FNDC3A: variants seen among roughly 807,000 people sequenced by gnomAD.
The protein encoded by FNDC3A is fibronectin type-III domain-containing protein 3A.
Under a neutral mutation model 148.9 loss-of-function variants are expected in FNDC3A, and 32 were observed. The ratio of observed to expected loss-of-function variants is 0.21; its 90% CI spans 0.16 to 0.29. The LOEUF is 0.29. Ranked by LOEUF, FNDC3A falls within the 10% of genes least tolerant of loss-of-function variation. FNDC3A has a pLI of 1.00. For missense variants in FNDC3A, 1,191 were observed against 1,452.8 expected (o/e 0.82, Z 2.93); for synonymous variants, 472 against 473.6 (o/e 1.00, Z 0.04).
In FNDC3A at chr13:49,209,001, G is replaced by T. The variant is rs1229253062; in HGVS notation, c.*1606G>T. 6.6e-6 allele frequency: 1 copy of T among 152,556 alleles called. No individual in the cohort carries two copies. The highest frequency in any genetic ancestry group is 1.9e-4 in the East Asian group (1 of 5,194). The allele number at this position is 152,556 out of a possible 1,614,324, so 9.5% of individuals were successfully genotyped here. ...ATTAACCCTTGTTCAAAAAAGAAAT[G>T]GATAAACTTGGCCTTTCTAAGTGGT... On this transcript the variant is annotated 3_prime_UTR_variant, in exon 26 of 26. Coordinates refer to ENST00000492622, the MANE Select transcript of FNDC3A (RefSeq NM_001079673.2).
chr13:49,112,653 G>A (rs1331637035), intron 3 of FNDC3A, among the ~76,000 whole-genome samples: 3 of 152,108 alleles, frequency 2.0e-5, no homozygotes, highest in African/African-American at 4.8e-5. Flanking sequence ...AATGTGGTAA[G>A]GATATGTCCT....
At chr13:49,163,248 C>T (rs1884264183) in intron 8 of FNDC3A, among the ~76,000 whole-genome samples, 2 of 152,230 alleles carry the variant, frequency 1.3e-5, no homozygotes, top group African/African-American at 4.8e-5. Context: ...GTGGAGTCTA[C>T]AGAGGCAGGC....
At position 49,151,117 on chromosome 13, in the gene FNDC3A, A is replaced by T. The variant is rs150540704; in HGVS notation, c.977+5182A>T. Among the ~76,000 whole-genome samples, 408 of 152,200 alleles carry T rather than the reference A, an allele frequency of 2.7e-3. 1 individual carries two copies. The highest frequency in any genetic ancestry group is 7.8e-3 in the African/African-American group (322 of 41,514). On this transcript the variant is annotated intron_variant, in intron 8 of 25. Coordinates refer to ENST00000492622, the MANE Select transcript of FNDC3A (RefSeq NM_001079673.2). The stretch of plus-strand genomic sequence containing the variant: ...GTCCATTTGGTCTAATGTGCCATTT[A>T]AATACAATGAAATTTCTTTGTTAAT...
chr13:49,038,133 C>T (rs1427582825), intron 2 of FNDC3A, among the ~76,000 whole-genome samples: 2 of 152,158 alleles, frequency 1.3e-5, no homozygotes, highest in Non-Finnish European at 2.9e-5. Context: ...TGTTCAGGCG[C>T]TCCTTCTCTG....
chr13:49,201,887 T>C lies in FNDC3A; in HGVS notation c.3075T>C (p.Ala1025=), dbSNP rs1339042804. The change falls in exon 24 of 26, where the codon GCT becomes GCC. Residue 1025 remains alanine (A), a synonymous_variant. Transcript: ENST00000492622. Reference sequence around the variant, plus strand: ...CATCCTATAAATTCTGTATTCAAGCTTGTAATGAAGCTGGGGAAGGTCCCC... The same window carrying C: ...CATCCTATAAATTCTGTATTCAAGCCTGTAATGAAGCTGGGGAAGGTCCCC... ...ESTSYKFCIQ[A]CNEAGEGPLS... is the part of the protein sequence containing the mutation. 1.9e-6 allele frequency: 3 copies of C among 1,596,382 alleles called. No homozygotes were observed. The African/African-American group carries it at 4.1e-5, about 22-fold the overall frequency.
At chr13:49,060,009 C>T (rs1876550689) in intron 2 of FNDC3A, among the ~76,000 whole-genome samples, 1 of 152,138 alleles carries the variant, frequency 6.6e-6, no homozygotes, top group South Asian at 2.1e-4. Context: ...AATGGAATAA[C>T]AAACTGGCAA....
intron 1 of FNDC3A, among the ~76,000 whole-genome samples, chr13:48,983,588 C>A (rs1355385325): frequency 6.6e-6 from 1 of 152,182 alleles, no homozygotes; most frequent in Non-Finnish European, 1.5e-5. Flanking sequence ...GGCCCACAGG[C>A]TTTAGTTTGC....
intron 3 of FNDC3A, among the ~76,000 whole-genome samples, chr13:49,103,429 A>C (rs1879981553): frequency 6.6e-6 from 1 of 152,254 alleles, no homozygotes; most frequent in African/African-American, 2.4e-5. Flanking sequence ...ATGTGGAAGC[A>C]TAGTAGGCTA....
rs1459851778 is a variant in FNDC3A, at chr13:48,976,821, G to C, written c.-40+644G>C. ...CCCGGGCGAGTTAACCACCTGTTCA[G>C]TCGGGAGGTGGACTCGAGGCTGCAG... is the stretch of plus-strand genomic sequence containing the variant. On this transcript the variant is annotated intron_variant, in intron 1 of 25. Coordinates refer to ENST00000492622, the MANE Select transcript of FNDC3A (RefSeq NM_001079673.2). 6 of 152,242 alleles carry C rather than the reference G, an allele frequency of 3.9e-5. No individual in the cohort carries two copies. The South Asian group carries it at 8.3e-4, about 21-fold the overall frequency. 9.4% of individuals were successfully genotyped at this position (152,242 alleles called of 1,614,324 possible).
intron 8 of FNDC3A, among the ~76,000 whole-genome samples, chr13:49,158,411 C>A (rs932749406): frequency 6.6e-6 from 1 of 152,226 alleles, no homozygotes; most frequent in Non-Finnish European, 1.5e-5. Flanking sequence ...CTGACCTGCG[C>A]CCACTGTCTG....
intron 14 of FNDC3A, among the ~76,000 whole-genome samples, chr13:49,179,926 G>A (rs1885220772): frequency 6.6e-6 from 1 of 152,140 alleles, no homozygotes; most frequent in Admixed American, 6.5e-5. Context: ...ATACTTAATT[G>A]CCATAGAGGT....
At chr13:49,017,111 A>G (rs947300239) in intron 2 of FNDC3A, among the ~76,000 whole-genome samples, 10 of 152,096 alleles carry the variant, frequency 6.6e-5, no homozygotes, top group African/African-American at 2.2e-4. Flanking sequence ...GCAGATGTCT[A>G]TTAGGTCTGC....
At chr13:49,123,228 G>T (rs1340968462) in intron 4 of FNDC3A, among the ~76,000 whole-genome samples, 1 of 151,882 alleles carries the variant, frequency 6.6e-6, no homozygotes, top group Non-Finnish European at 1.5e-5. Context: ...GACAAACCGG[G>T]CAAAAACAAC....
chr13:49,070,896 T>G lies in FNDC3A; in HGVS notation c.100-4393T>G, dbSNP rs541728187. Reference sequence around the variant, plus strand: ...AACAGGATTTCTTTTTTTTTTTTGTTTTGTTTTTTTTCTTTTTTTTGAGAC... The same window carrying G: ...AACAGGATTTCTTTTTTTTTTTTGTGTTGTTTTTTTTCTTTTTTTTGAGAC... On this transcript the variant is annotated intron_variant, in intron 2 of 25. Coordinates refer to ENST00000492622, the MANE Select transcript of FNDC3A (RefSeq NM_001079673.2). Among the ~76,000 whole-genome samples the G allele has an allele frequency of 9.1e-4, 133 of 146,634 alleles. 3 individuals are homozygous for G. Among genetic ancestry groups the G allele is most frequent in the African/African-American group, 3.0e-3 (121 of 40,058 alleles).
At chr13:49,153,338 T>C (rs1883441313) in intron 8 of FNDC3A, among the ~76,000 whole-genome samples, 1 of 152,226 alleles carries the variant, frequency 6.6e-6, no homozygotes, top group Non-Finnish European at 1.5e-5. Flanking sequence ...TGTCTGTTCA[T>C]GTCCTTCGCC....
Position 49,179,648 on chromosome 13 carries a change from G to A in FNDC3A, c.1617+994G>A, listed in dbSNP as rs148850525. ...CTCTTCTCCCCATTTATATCAGTAT[G>A]TACTCATGGAAGTCTGTTAAATGGC... On this transcript the variant is annotated intron_variant, in intron 14 of 25. Transcript: ENST00000492622. Among the ~76,000 whole-genome samples the A allele has an allele frequency of 6.5e-3, 987 of 152,270 alleles. 8 individuals carry two copies. The highest frequency in any genetic ancestry group is 0.034 in the Middle Eastern group (10 of 294).
chr13:49,194,822 G>A (rs1886070779), intron 19 of FNDC3A, among the ~76,000 whole-genome samples: 1 of 151,438 alleles, frequency 6.6e-6, no homozygotes, highest in Non-Finnish European at 1.5e-5. Flanking sequence ...TTTATAGATT[G>A]GTATATAGCT....
chr13:49,051,266 C>T (rs1158811591), intron 2 of FNDC3A, among the ~76,000 whole-genome samples: 1 of 152,002 alleles, frequency 6.6e-6, no homozygotes, highest in Non-Finnish European at 1.5e-5. Flanking sequence ...ATATAGGGTC[C>T]TGTGAACCTT....
intron 1 of FNDC3A, among the ~76,000 whole-genome samples, chr13:48,997,108 A>C (rs929579414): frequency 6.6e-6 from 1 of 151,998 alleles, no homozygotes; most frequent in Non-Finnish European, 1.5e-5. Context: ...ATCTAAATGT[A>C]CATATTTTTC....
Sources: allele counts gnomAD v4.1 joint callset (sites outside exome capture counted in the v4.1 genomes callset), GRCh38; gene constraint gnomAD v4.1.1; transcripts MANE v1.5; gene names NCBI Gene and HGNC (gene_info 2026-07-23, HGNC 2026-07-21).